Variants in NAT16 observed in about 807,000 individuals in gnomAD.
NAT16 encodes the protein N-acetyltransferase 16 (putative), also known as probable N-acetyltransferase 16.
A neutral mutation model predicts 15.9 loss-of-function variants in NAT16; 16 were observed. That is an observed-to-expected ratio of 1.01 (90% CI 0.68 to 1.53). The LOEUF (loss-of-function observed/expected upper bound fraction) is 1.53. Among genes scored for constraint, NAT16 ranks in the 40% most tolerant of loss-of-function variants. The pLI is 0.00. For synonymous variants in NAT16, 260 were observed against 241.9 expected (o/e 1.07, Z -0.69); for missense variants, 572 against 508.4 (o/e 1.13, Z -1.20).
chr7:101,172,731 A>T lies in NAT16; in HGVS notation c.538-80T>A. ...CCGGCGCCTCTCGGCAGGCATCTTC[A>T]CTCCCACGTTCACGCCCACGGGCTC... On this transcript the variant is annotated intron_variant, in intron 3 of 3. Coordinates refer to ENST00000300303, the MANE Select transcript of NAT16 (RefSeq NM_198571.3). The surrounding 1 kb of genome is among the most constrained non-coding windows in gnomAD (Gnocchi z 4.2). 1.7e-6 allele frequency: 2 copies of T among 1,167,090 alleles called. No individual in the cohort carries two copies. The highest frequency in any genetic ancestry group is 1.1e-6 in the Non-Finnish European group (1 of 873,200). The allele number at this position is 1,167,090 out of a possible 1,614,324, so 72.3% of individuals were successfully genotyped here.
intron 1 of NAT16, among the ~76,000 whole-genome samples, chr7:101,176,908 T>A (rs890601739): frequency 6.6e-6 from 1 of 152,204 alleles, no homozygotes; most frequent in East Asian, 1.9e-4. Flanking sequence ...TTTTTATTTT[T>A]TTTTTTAACA....
Position 101,171,986 on chromosome 7 carries a change from A to C in NAT16, c.*93T>G. 1 of 879,288 alleles carries C rather than the reference A, an allele frequency of 1.1e-6. No individual in the cohort carries two copies. The highest frequency in any genetic ancestry group is 1.8e-6 in the Non-Finnish European group (1 of 559,102). The allele number at this position is 879,288 out of a possible 1,614,324, so 54.5% of individuals were successfully genotyped here. A position where few individuals can be genotyped will look rare whatever the true frequency, so the allele number is the denominator to read the frequency against. On this transcript the variant is annotated 3_prime_UTR_variant, in exon 4 of 4. Transcript: ENST00000300303. Reference sequence around the variant, plus strand: ...CAGGAGTCAGAGGGGACTTCCCAGGAGACGCAGCGTCGGAAATGGCAGGAA... The same window carrying C: ...CAGGAGTCAGAGGGGACTTCCCAGGCGACGCAGCGTCGGAAATGGCAGGAA...
At chr7:101,174,306 TCCACC>T in intron 2 of NAT16, 185 bp downstream of exon 2, 1 of 722,246 alleles carries the variant, frequency 1.4e-6, no homozygotes, top group Non-Finnish European at 2.2e-6. Context: ...TTAGGAGTCC[TCCACC>T]CCACCCTCAC....
Position 101,172,477 on chromosome 7 carries a change from G to A in NAT16, c.712C>T (p.Pro238Ser). ...LSPSVQRDVL[P>S]GGTIIQDWQP... ...CAGTCCTGGATGATGGTCCCGCCTG[G>A]AAGCACGTCGCGCTGCACGGAGGGT... Residue 238 changes from proline to serine, a missense_variant, in exon 4 of 4, where the codon CCA (proline) becomes TCA (serine). Pro to Ser is a moderately conservative substitution (Grantham distance 74). Transcript: ENST00000300303. The surrounding 1 kb of genome is among the most constrained non-coding windows in gnomAD (Gnocchi z 4.2). 6.3e-7 allele frequency: 1 copy of A among 1,599,580 alleles called. No individual in the cohort carries two copies. The highest frequency in any genetic ancestry group is 8.5e-7 in the Non-Finnish European group (1 of 1,177,300).
Position 101,171,668 on chromosome 7 carries a change from T to A in NAT16, c.*411A>T, listed in dbSNP as rs905242279. 2 of 178,796 alleles carry A rather than the reference T, an allele frequency of 1.1e-5. No homozygotes were observed. The highest frequency in any genetic ancestry group is 4.8e-5 in the African/African-American group (2 of 41,776). 11.1% of individuals were successfully genotyped at this position (178,796 alleles called of 1,614,324 possible). ...CGAGGCTGGGCATCCCACACACTCC[T>A]GAGTTCTTCCACCCACGAGGGGGCA... On this transcript the variant is annotated 3_prime_UTR_variant, in exon 4 of 4. Transcript: ENST00000300303.
Position 101,174,591 on chromosome 7 carries a change from T to C in NAT16, c.217A>G (p.Ile73Val). The change falls in exon 2 of 4, where the codon ATC becomes GTC. Residue 73 changes from isoleucine (I) to valine (V), a missense_variant. Coordinates refer to ENST00000300303, the MANE Select transcript of NAT16 (RefSeq NM_198571.3). ...GGAAGGTAGTCCAGGCCGCCGTAGA[T>C]GCCCCCCGAGATGGCCAGCACTTCC... The part of the protein sequence containing the change: ...FEEVLAISGG[I>V]YGGLDYLPSR... 6.2e-7 allele frequency: 1 copy of C among 1,614,112 alleles called. No individual in the cohort carries two copies. Among genetic ancestry groups the C allele is most frequent in the Non-Finnish European group, 8.5e-7 (1 of 1,180,008 alleles).
intron 1 of NAT16, among the ~76,000 whole-genome samples, chr7:101,176,556 C>T (rs552465846): frequency 6.6e-6 from 1 of 150,780 alleles, no homozygotes; most frequent in Non-Finnish European, 1.5e-5. Flanking sequence ...CTAAGCCAAT[C>T]AATGCCCCCC....
In NAT16 at chr7:101,172,155, T is replaced by G; in HGVS notation, c.1034A>C (p.Asp345Ala). ...CAGTCCCAGCCCGACCTGGCAGAAGTCAGCCAGCTGTGACCACAGCTGGGG... is the reference window on the plus strand; with the variant it reads ...CAGTCCCAGCCCGACCTGGCAGAAGGCAGCCAGCTGTGACCACAGCTGGGG... ...LEPQLWSQLA[D>A]FCQVGLGLEL... Residue 345 changes from aspartate (D) to alanine (A), a missense_variant, in exon 4 of 4, where the codon GAC (aspartate) becomes GCC (alanine). Asp to Ala is a moderately radical substitution (Grantham distance 126, BLOSUM62 -2). Transcript: ENST00000300303. This position sits in a 1 kb window ranked among gnomAD's most constrained non-coding sequence, Gnocchi z 4.2. 4.3e-6 allele frequency: 7 copies of G among 1,613,940 alleles called. No individual in the cohort carries two copies. Among genetic ancestry groups the G allele is most frequent in the Admixed American group, 1.7e-5 (1 of 60,010 alleles).
chr7:101,172,739 G>A lies in NAT16; in HGVS notation c.538-88C>T. On this transcript the variant is annotated intron_variant, in intron 3 of 3. Coordinates refer to ENST00000300303, the MANE Select transcript of NAT16 (RefSeq NM_198571.3). This position sits in a 1 kb window ranked among gnomAD's most constrained non-coding sequence, Gnocchi z 4.2. ...TCTCGGCAGGCATCTTCACTCCCAC[G>A]TTCACGCCCACGGGCTCCCACCTGG... is the stretch of plus-strand genomic sequence containing the variant. The A allele has an allele frequency of 1.8e-6, 2 of 1,086,316 alleles. No individual in the cohort carries two copies. The highest frequency in any genetic ancestry group is 2.5e-6 in the Non-Finnish European group (2 of 799,522). 67.3% of individuals were successfully genotyped at this position (1,086,316 alleles called of 1,614,324 possible).
In NAT16 at chr7:101,172,992, A is replaced by C. The variant is rs1442279904; in HGVS notation, c.537+304T>G. Among the ~76,000 whole-genome samples the C allele has an allele frequency of 1.3e-5, 2 of 152,172 alleles. No homozygotes were observed. Among genetic ancestry groups the C allele is most frequent in the African/African-American group, 4.8e-5 (2 of 41,446 alleles). ...ATCAGTCAGTAGGATTGGGAGGAGC[A>C]GAGGGAGGACAAAGGCTCAGAGGAG... On this transcript the variant is annotated intron_variant, in intron 3 of 3. Coordinates refer to ENST00000300303, the MANE Select transcript of NAT16 (RefSeq NM_198571.3). The surrounding 1 kb of genome is among the most constrained non-coding windows in gnomAD (Gnocchi z 4.2).
intron 1 of NAT16, among the ~76,000 whole-genome samples, chr7:101,178,560 G>A (rs529060120): frequency 6.6e-6 from 1 of 151,952 alleles, no homozygotes; most frequent in African/African-American, 2.4e-5. Context: ...CCTGGACCAA[G>A]CGCCCTCCTA....
intron 1 of NAT16, among the ~76,000 whole-genome samples, chr7:101,177,611 C>T (rs979827414): frequency 1.3e-5 from 2 of 152,202 alleles, no homozygotes; most frequent in African/African-American, 4.8e-5. Flanking sequence ...CTCCACTTCC[C>T]AAAGTGCTGG....
chr7:101,174,587 T>C lies in NAT16; in HGVS notation c.221A>G (p.Tyr74Cys), dbSNP rs199835653. The C allele has an allele frequency of 9.9e-6, 16 of 1,614,042 alleles. No individual in the cohort carries two copies. The Admixed American group carries it at 1.8e-4, about 18-fold the overall frequency. ...EEVLAISGGI[Y>C]GGLDYLPSRY... ...GCTAGGAAGGTAGTCCAGGCCGCCG[T>C]AGATGCCCCCCGAGATGGCCAGCAC... The change falls in exon 2 of 4, where the codon TAC (tyrosine) becomes TGC (cysteine). Residue 74 changes from tyrosine to cysteine, a missense_variant. Tyr to Cys is a radical substitution (Grantham distance 194). Transcript: ENST00000300303.
intron 1 of NAT16, among the ~76,000 whole-genome samples, chr7:101,178,382 T>C (rs1797512016): frequency 6.6e-6 from 1 of 152,128 alleles, no homozygotes; most frequent in Admixed American, 6.6e-5. Flanking sequence ...AAGCCAAAGC[T>C]GTGGGCTAGC....
chr7:101,178,276 C>G (rs56307550), intron 1 of NAT16, among the ~76,000 whole-genome samples: 1 of 152,178 alleles, frequency 6.6e-6, no homozygotes, highest in Non-Finnish European at 1.5e-5. Flanking sequence ...GGCACCACCT[C>G]TACCCCTGTT....
rs733965 is a variant in NAT16, at chr7:101,174,820, A to T, written c.-4-9T>A. ...CTTCCAGCTTCATGACCCTGCAGAA[A>T]AAAAGAGAATTCAGCACCTGGATCA... On this transcript the variant is annotated splice_polypyrimidine_tract_variant and intron_variant, in intron 1 of 3. Transcript: ENST00000300303. 6.5e-7 allele frequency: 1 copy of T among 1,534,858 alleles called. No individual in the cohort carries two copies. The highest frequency in any genetic ancestry group is 8.7e-7 in the Non-Finnish European group (1 of 1,145,358).
chr7:101,171,794 A>G lies in NAT16; in HGVS notation c.*285T>C. 2.6e-6 allele frequency: 1 copy of G among 388,200 alleles called. No homozygotes were observed. Among genetic ancestry groups the G allele is most frequent in the South Asian group, 3.8e-5 (1 of 26,524 alleles). The allele number at this position is 388,200 out of a possible 1,614,324, so 24.0% of individuals were successfully genotyped here. A position where few individuals can be genotyped will look rare whatever the true frequency, so the allele number is the denominator to read the frequency against. The stretch of plus-strand genomic sequence containing the variant: ...TGTGCGGGGACCAGTTCTTTGGAAA[A>G]ACAGAGGGTGGATAACAGCAGCTCA... On this transcript the variant is annotated 3_prime_UTR_variant, in exon 4 of 4. Transcript: ENST00000300303.
rs1255593367 is a variant in NAT16, at chr7:101,172,489, G to T, written c.700C>A (p.Arg234Ser). The T allele has an allele frequency of 2.5e-6, 4 of 1,596,822 alleles. No homozygotes were observed. The highest frequency in any genetic ancestry group is 2.2e-5 in the South Asian group (2 of 89,836). Residue 234 changes from arginine (R) to serine (S), a missense_variant, in exon 4 of 4, where the codon CGC (arginine) becomes AGC (serine). Physicochemically the swap from Arg to Ser is moderately radical, Grantham distance 110. Transcript: ENST00000300303. This position sits in a 1 kb window ranked among gnomAD's most constrained non-coding sequence, Gnocchi z 4.2. ...ATGGTCCCGCCTGGAAGCACGTCGC[G>T]CTGCACGGAGGGTGACAGCAGGAGG... is the stretch of plus-strand genomic sequence containing the variant. ...ARLLLSPSVQRDVLPGGTIIQ... is the reference protein window; with the variant it reads ...ARLLLSPSVQSDVLPGGTIIQ...
chr7:101,174,191 A>C, intron 2 of NAT16: 4 of 439,936 alleles, frequency 9.1e-6, no homozygotes, highest in South Asian at 5.6e-5. Context: ...CCCCTAGCCT[A>C]CCCTCTCTCT....
Sources: allele counts gnomAD v4.1 joint callset (sites outside exome capture counted in the v4.1 genomes callset), GRCh38; gene constraint gnomAD v4.1.1; non-coding constraint Gnocchi (gnomAD v3.1); transcripts MANE v1.5; gene names NCBI Gene and HGNC (gene_info 2026-07-23, HGNC 2026-07-21).